Variants in CFAP47 observed in about 807,000 individuals in gnomAD.
CFAP47 encodes cilia and flagella associated protein 47.
In CFAP47, 29 loss-of-function variants were observed where a neutral mutation model predicts 148.1. That is an observed-to-expected ratio of 0.20 (90% CI 0.15 to 0.27). CFAP47 has a LOEUF of 0.27. Ranked by LOEUF, CFAP47 falls within the 10% of genes least tolerant of loss-of-function variation. The probability of loss-of-function intolerance (pLI) is 1.00; values close to 1 mark genes in which losing one functional copy is unlikely to be tolerated. For synonymous variants in CFAP47, 664 were observed against 577.3 expected, an observed-to-expected ratio of 1.15 and a Z score of -2.15; for missense variants, 1,872 against 1,697.5, an observed-to-expected ratio of 1.10 and a Z score of -1.81.
chrX:36,245,361 T>C (rs1420763140), intron 48 of CFAP47, among the ~76,000 whole-genome samples: 1 of 111,530 alleles, frequency 9.0e-6, no homozygotes, highest in South Asian at 3.7e-4. Context: ...AAGAAAGAAA[T>C]AAAAGGCATC....
chrX:36,098,267 C>T (rs1272320323), intron 30 of CFAP47, among the ~76,000 whole-genome samples: 1 of 111,862 alleles, frequency 8.9e-6, no homozygotes, highest in East Asian at 2.8e-4. Flanking sequence ...TGAATTCTCT[C>T]TCTGAAAGGT....
intron 21 of CFAP47, among the ~76,000 whole-genome samples, chrX:36,005,328 C>G (rs1166701082): frequency 9.0e-6 from 1 of 111,436 alleles, no homozygotes; most frequent in Non-Finnish European, 1.9e-5. Flanking sequence ...TGGCTACATA[C>G]TTTCCTCTAA....
chrX:36,128,553 A>G, intron 33 of CFAP47, among the ~76,000 whole-genome samples: 1 of 111,097 alleles, frequency 9.0e-6, no homozygotes, highest in East Asian at 2.8e-4. Flanking sequence ...TGCTTTTTAG[A>G]ATATTCTATT....
chrX:36,017,741 A>G (rs997490758), intron 22 of CFAP47, among the ~76,000 whole-genome samples: 26 of 110,660 alleles, frequency 2.3e-4, no homozygotes, highest in Non-Finnish European at 4.4e-4. Flanking sequence ...GCGTTTGTCT[A>G]TGTGTCTGTT....
At chrX:36,256,457 A>G (rs939603612) in intron 49 of CFAP47, among the ~76,000 whole-genome samples, 3 of 111,931 alleles carry the variant, frequency 2.7e-5, no homozygotes, top group African/African-American at 9.7e-5. Flanking sequence ...AGACTGTATC[A>G]TTTGGTATAC....
At chrX:36,311,227 G>A (rs6632562) in intron 56 of CFAP47, among the ~76,000 whole-genome samples, 20,283 of 109,993 alleles carry the variant, frequency 0.18, 1,456 homozygotes, top group South Asian at 0.29. Flanking sequence ...TCCAAATTTG[G>A]TCTATAAACC....
chrX:35,951,141 C>T lies in CFAP47; in HGVS notation c.667C>T (p.Gln223Ter). ...CTTATTATCCTGTAGAGTGATTTTG[C>T]AAGGTCAACCTGAGATGCTCTTGAG... The part of the protein sequence containing the change: ...IVDEEAIVIL[Q>*]GQPEMLLSIK... The change falls in exon 5 of 64, where the codon CAA (glutamine) becomes TAA (stop). Residue 223 changes from glutamine to a stop codon, truncating the protein, a stop_gained. Coordinates refer to ENST00000378653, the MANE Select transcript of CFAP47 (RefSeq NM_001304548.2). LOFTEE classifies it high-confidence loss of function. 8.3e-7 allele frequency: 1 copy of T among 1,205,410 alleles called. No individual in the cohort carries two copies. Among genetic ancestry groups the T allele is most frequent in the Non-Finnish European group, 1.1e-6 (1 of 890,185 alleles).
chrX:36,031,955 A>G (rs1427008201), intron 23 of CFAP47, among the ~76,000 whole-genome samples: 1 of 110,868 alleles, frequency 9.0e-6, no homozygotes, highest in African/African-American at 3.3e-5. Context: ...GAAAAATTAT[A>G]TGGAGAGAAT....
At chrX:36,306,499 T>A (rs1941350049) in intron 54 of CFAP47, among the ~76,000 whole-genome samples, 1 of 111,289 alleles carries the variant, frequency 9.0e-6, no homozygotes, top group African/African-American at 3.3e-5. Context: ...AACTGAGCTT[T>A]AAAAATTAAC....
intron 1 of CFAP47, 140 bp from the exon 2 acceptor site, chrX:35,925,877 G>T (rs1022763483): frequency 3.4e-5 from 14 of 416,868 alleles, no homozygotes; most frequent in Non-Finnish European, 5.2e-5. Flanking sequence ...GGATGGTCTC[G>T]ATCTCCTGAC....
chrX:36,369,845 A>G (rs978819765), intron 62 of CFAP47, among the ~76,000 whole-genome samples: 2 of 111,800 alleles, frequency 1.8e-5, no homozygotes, highest in Non-Finnish European at 3.8e-5. Flanking sequence ...AGGGGTCACT[A>G]TATTGGCCTG....
intron 33 of CFAP47, among the ~76,000 whole-genome samples, chrX:36,122,088 CT>C (rs1282587970): frequency 1.8e-5 from 2 of 110,316 alleles, no homozygotes; most frequent in Non-Finnish European, 3.8e-5. Context: ...GTTTTTCTTC[CT>C]TTTTCCCTTT....
intron 56 of CFAP47, among the ~76,000 whole-genome samples, chrX:36,312,465 A>G (rs1335841423): frequency 9.0e-6 from 1 of 110,861 alleles, no homozygotes; most frequent in Admixed American, 9.7e-5. Context: ...TTAGATATGC[A>G]CCAAAAAAAA....
intron 63 of CFAP47, chrX:36,379,720 C>T (rs782306575): frequency 2.4e-5 from 9 of 371,441 alleles, no homozygotes; most frequent in Non-Finnish European, 4.3e-5. Context: ...ATATAACAAA[C>T]AGTTGTCAAC....
intron 55 of CFAP47, among the ~76,000 whole-genome samples, chrX:36,309,254 A>C (rs781846141): frequency 9.0e-6 from 1 of 110,934 alleles, no homozygotes; most frequent in African/African-American, 3.2e-5. Flanking sequence ...AGAAGTTATA[A>C]AATCAGTGGT....
At chrX:36,325,328 A>G (rs781831827) in intron 57 of CFAP47, among the ~76,000 whole-genome samples, 1 of 111,753 alleles carries the variant, frequency 8.9e-6, no homozygotes, top group Admixed American at 9.6e-5. Context: ...GCTGAGATAT[A>G]TAGGAGTTGT....
intron 26 of CFAP47, among the ~76,000 whole-genome samples, chrX:36,052,143 C>T (rs886892994): frequency 1.8e-5 from 2 of 111,844 alleles, no homozygotes; most frequent in Non-Finnish European, 3.8e-5. Context: ...AATACAGTGT[C>T]ATTAACAGCA....
intron 48 of CFAP47, among the ~76,000 whole-genome samples, chrX:36,240,702 T>C (rs1303857444): frequency 9.0e-6 from 1 of 110,838 alleles, no homozygotes; most frequent in Non-Finnish European, 1.9e-5. Flanking sequence ...GGAAAAGAAA[T>C]AGTTTTCAAA....
intron 61 of CFAP47, among the ~76,000 whole-genome samples, chrX:36,363,331 G>A (rs1392010473): frequency 9.0e-6 from 1 of 111,096 alleles, no homozygotes; most frequent in Non-Finnish European, 1.9e-5. Context: ...GCTCACCTAG[G>A]CTATATGGTA....
Sources: allele counts gnomAD v4.1 joint callset (sites outside exome capture counted in the v4.1 genomes callset), GRCh38; gene constraint gnomAD v4.1.1; transcripts MANE v1.5; gene names NCBI Gene and HGNC (gene_info 2026-07-23, HGNC 2026-07-21).